The following TRDN variants were observed in gnomAD, a reference collection of about 807,000 sequenced individuals.
The protein encoded by TRDN is triadin, also known as triadin in skeletal muscle.
A neutral mutation model predicts 149.7 loss-of-function variants in TRDN; 161 were observed. That is an observed-to-expected ratio of 1.08 (90% CI 0.95 to 1.23). The LOEUF (loss-of-function observed/expected upper bound fraction) is 1.23, where lower values mean the gene tolerates loss of function less well. Among genes scored for constraint, TRDN ranks in the 50% most tolerant of loss-of-function variants. TRDN has a pLI of 0.00. For missense variants in TRDN, 896 were observed against 823.5 expected, an observed-to-expected ratio of 1.09 and a Z score of -1.08; for synonymous variants, 294 against 250.5, an observed-to-expected ratio of 1.17 and a Z score of -1.64.
chr6:123,480,252 A>G (rs1412680375), intron 9 of TRDN, among the ~76,000 whole-genome samples: 3 of 150,398 alleles, frequency 2.0e-5, no homozygotes, highest in African/African-American at 7.3e-5. Context: ...CCGTTTCCAA[A>G]AAAAAAAAAA....
At chr6:123,472,121 C>T (rs1050826303) in intron 9 of TRDN, among the ~76,000 whole-genome samples, 7 of 152,198 alleles carry the variant, frequency 4.6e-5, no homozygotes, top group African/African-American at 1.2e-4. Flanking sequence ...CAGCTCCCAG[C>T]GTGAGCGACG....
At chr6:123,463,603 T>C (rs1230612063) in intron 10 of TRDN, among the ~76,000 whole-genome samples, 1 of 151,924 alleles carries the variant, frequency 6.6e-6, no homozygotes, top group Non-Finnish European at 1.5e-5. Flanking sequence ...AACAACAGAA[T>C]TAGAATCCCA....
chr6:123,458,871 A>G (rs200144026), intron 10 of TRDN, among the ~76,000 whole-genome samples: 2 of 150,744 alleles, frequency 1.3e-5, no homozygotes, highest in Non-Finnish European at 3.0e-5. Context: ...TTAAAAAAAA[A>G]GGGGAACACT....
chr6:123,570,870 T>C, intron 2 of TRDN, 53 bp downstream of exon 2: 2 of 1,556,468 alleles, frequency 1.3e-6, no homozygotes, highest in Non-Finnish European at 1.8e-6. Flanking sequence ...GGGACACTGT[T>C]TCTTTCCATT....
At chr6:123,587,956 C>T (rs938327231) in intron 1 of TRDN, among the ~76,000 whole-genome samples, 4 of 152,134 alleles carry the variant, frequency 2.6e-5, no homozygotes, top group African/African-American at 4.8e-5. Context: ...TGGATGTGTA[C>T]GTGCAGGTCA....
At chr6:123,379,836 A>G (rs1158682917) in intron 16 of TRDN, among the ~76,000 whole-genome samples, 1 of 152,142 alleles carries the variant, frequency 6.6e-6, no homozygotes, top group African/African-American at 2.4e-5. Flanking sequence ...GCTCACAAAC[A>G]TTTACAAAAT....
At chr6:123,280,348 G>T (rs1777536540) in intron 24 of TRDN, among the ~76,000 whole-genome samples, 1 of 152,154 alleles carries the variant, frequency 6.6e-6, no homozygotes, top group Admixed American at 6.6e-5. Flanking sequence ...AATAAGCTTT[G>T]AAGTTCAATA....
intron 23 of TRDN, among the ~76,000 whole-genome samples, chr6:123,321,726 T>C (rs1779251156): frequency 6.6e-6 from 1 of 151,992 alleles, no homozygotes; most frequent in South Asian, 2.1e-4. Flanking sequence ...GACTTCAATG[T>C]TTCAGATATG....
chr6:123,502,093 T>G, intron 8 of TRDN: 1 of 984,484 alleles, frequency 1.0e-6, no homozygotes, highest in Non-Finnish European at 1.2e-6. Flanking sequence ...AAAATTAGAA[T>G]GTACTTTGTA....
At chr6:123,274,236 C>T (rs1005728835) in intron 27 of TRDN, among the ~76,000 whole-genome samples, 4 of 152,010 alleles carry the variant, frequency 2.6e-5, no homozygotes, top group Non-Finnish European at 4.4e-5. Flanking sequence ...GCTCTCATTC[C>T]CTTCAAACCA....
chr6:123,599,558 AT>A (rs995405272), intron 1 of TRDN, among the ~76,000 whole-genome samples: 30 of 152,048 alleles, frequency 2.0e-4, no homozygotes, highest in African/African-American at 6.7e-4. Flanking sequence ...CATTATTGCC[AT>A]TTTTTTGTTA....
chr6:123,334,203 G>A (rs1342044007), intron 22 of TRDN, among the ~76,000 whole-genome samples: 1 of 151,972 alleles, frequency 6.6e-6, no homozygotes, highest in African/African-American at 2.4e-5. Context: ...TGGAAGTTGG[G>A]GGATCATAAG....
chr6:123,331,785 G>T, intron 23 of TRDN, 94 bp downstream of exon 23: 2 of 761,212 alleles, frequency 2.6e-6, no homozygotes, highest in South Asian at 5.5e-5. Context: ...GGTTTTGAGA[G>T]CCTGAAAATG....
intron 24 of TRDN, among the ~76,000 whole-genome samples, chr6:123,296,698 T>C (rs1299909444): frequency 6.6e-6 from 1 of 152,028 alleles, no homozygotes; most frequent in African/African-American, 2.4e-5. Flanking sequence ...TTATCAAATG[T>C]GCTGTAAAAA....
intron 9 of TRDN, among the ~76,000 whole-genome samples, chr6:123,484,468 G>T (rs138417956): frequency 6.6e-6 from 1 of 152,146 alleles, no homozygotes; most frequent in African/African-American, 2.4e-5. Context: ...AATACATGGT[G>T]CATTAATAAA....
At chr6:123,249,321 C>G (rs1776295505) in intron 38 of TRDN, among the ~76,000 whole-genome samples, 1 of 152,080 alleles carries the variant, frequency 6.6e-6, no homozygotes, top group African/African-American at 2.4e-5. Flanking sequence ...AAGGCTTATA[C>G]ACTGTTGGTT....
intron 23 of TRDN, among the ~76,000 whole-genome samples, chr6:123,323,413 CAT>C (rs1214967583): frequency 9.2e-5 from 14 of 152,256 alleles, no homozygotes; most frequent in Admixed American, 3.9e-4. Context: ...TCCACACACA[CAT>C]GTTCTCTGTC....
chr6:123,580,134 T>C (rs576181335), intron 1 of TRDN, among the ~76,000 whole-genome samples: 1 of 152,338 alleles, frequency 6.6e-6, no homozygotes, highest in Non-Finnish European at 1.5e-5. Context: ...TGAATCTATC[T>C]GGTCCCAGGC....
chr6:123,447,808 C>G (rs1775484009), intron 10 of TRDN, among the ~76,000 whole-genome samples: 1 of 151,806 alleles, frequency 6.6e-6, no homozygotes, highest in African/African-American at 2.4e-5. Context: ...AATGTTAGCT[C>G]CAGATCAACT....
Sources: gnomAD v4.1 joint callset for allele counts (sites outside exome capture counted in the v4.1 genomes callset) on GRCh38, gnomAD v4.1.1 for gene constraint, MANE v1.5 for transcripts, NCBI Gene and HGNC (gene_info 2026-07-23, HGNC 2026-07-21) for gene names.